MYZAP: variants seen among roughly 807,000 people sequenced by gnomAD.
MYZAP encodes the protein GRINL1A complex locus upstream.
MYZAP carries 66 observed loss-of-function variants against 69.4 expected under a neutral mutation model. The observed-to-expected ratio is 0.95, with a 90% confidence interval of 0.78 to 1.17. The LOEUF (loss-of-function observed/expected upper bound fraction) is 1.17, where lower values mean the gene tolerates loss of function less well. Among genes scored for constraint, MYZAP ranks in the 50% most tolerant of loss-of-function variants. The pLI, the probability that MYZAP is intolerant of heterozygous loss-of-function variation, is 0.00. For synonymous variants in MYZAP, 256 were observed against 205.9 expected (o/e 1.24, Z -2.09); for missense variants, 611 against 556.2 (o/e 1.10, Z -0.99).
rs925090242 is a variant in MYZAP at position 57,592,210 on chromosome 15, G to A, written c.75+101G>A. On this transcript the variant is annotated intron_variant, in intron 1 of 12. Coordinates refer to ENST00000267853, the MANE Select transcript of MYZAP (RefSeq NM_001018100.5). ...GGGAAAGCTCGGGAGCCAGCACCTG[G>A]CCCCGACGCCCCACCCTGGGCTCAA... 6 of 1,044,360 alleles carry A rather than the reference G, an allele frequency of 5.7e-6. No homozygotes were observed. The East Asian group carries it at 2.0e-4, about 35-fold the overall frequency. 64.7% of individuals were successfully genotyped at this position (1,044,360 alleles called of 1,614,324 possible).
rs150131539 is a variant in MYZAP at position 57,622,643 on chromosome 15, T to G, written c.411+943T>G. Among the ~76,000 whole-genome samples the G allele has an allele frequency of 8.0e-3, 1,221 of 152,250 alleles. 11 individuals carry two copies. Among genetic ancestry groups the G allele is most frequent in the South Asian group, 0.045 (217 of 4,822 alleles). On this transcript the variant is annotated intron_variant, in intron 4 of 12. Transcript: ENST00000267853. ...TCTCAAAAAAGGAAGGAAAATGGAC[T>G]AGTCAATATGTGCTATTGGGAAAAC...
chr15:57,616,567 C>T (rs771464340), intron 2 of MYZAP, among the ~76,000 whole-genome samples: 4 of 152,062 alleles, frequency 2.6e-5, no homozygotes, highest in African/African-American at 9.7e-5. Context: ...ACCCAGGAGG[C>T]GGAGGTTGCA....
At chr15:57,662,352 T>G (rs780464326) in intron 11 of MYZAP, among the ~76,000 whole-genome samples, 1 of 152,170 alleles carries the variant, frequency 6.6e-6, no homozygotes, top group Non-Finnish European at 1.5e-5. Flanking sequence ...CAGCAGACAA[T>G]GATAAAGTAA....
intron 11 of MYZAP, 130 bp from the exon 12 acceptor site, chr15:57,674,838 C>A: frequency 1.4e-6 from 1 of 717,832 alleles, no homozygotes; most frequent in Non-Finnish European, 2.3e-6. Flanking sequence ...GTAAGTGATG[C>A]TCTGTAAATA....
Position 57,609,800 on chromosome 15 carries a change from T to G in MYZAP, c.162+5445T>G, listed in dbSNP as rs1312711337. 2.0e-5 allele frequency among the ~76,000 whole-genome samples: 3 copies of G among 152,336 alleles called. No homozygotes were observed. In the South Asian group the frequency reaches 6.2e-4, roughly 32 times the overall value. ...AGAAATTGATAAATGTAGAATATAA[T>G]GTTTATAAACAGGCTGAACATTCAA... On this transcript the variant is annotated intron_variant, in intron 2 of 12. Transcript: ENST00000267853.
chr15:57,644,543 T>G (rs944308224), intron 10 of MYZAP, among the ~76,000 whole-genome samples: 2 of 152,172 alleles, frequency 1.3e-5, no homozygotes, highest in Non-Finnish European at 2.9e-5. Context: ...ACTCCTGGGC[T>G]CAAGTGATCC....
intron 3 of MYZAP, among the ~76,000 whole-genome samples, chr15:57,621,189 G>T (rs1373573897): frequency 6.9e-6 from 1 of 145,852 alleles, no homozygotes; most frequent in Admixed American, 6.9e-5. Flanking sequence ...TTTATGTGGG[G>T]TCCTTCTTTC....
intron 5 of MYZAP, 62 bp from the exon 6 acceptor site, chr15:57,629,640 G>A (rs763234773): frequency 3.6e-5 from 56 of 1,566,420 alleles, no homozygotes; most frequent in Non-Finnish European, 4.6e-5. Context: ...CCCAGCATGT[G>A]GTGCAGCCCA....
At chr15:57,680,106 C>T (rs1424648057) in intron 12 of MYZAP, among the ~76,000 whole-genome samples, 1 of 152,170 alleles carries the variant, frequency 6.6e-6, no homozygotes, top group Admixed American at 6.5e-5. Flanking sequence ...AAGTAACAGG[C>T]ATAGAATGTC....
At chr15:57,629,088 C>CAAAAAAAAAAAAAAAAAAAAAA (rs1274144448) in intron 5 of MYZAP, among the ~76,000 whole-genome samples, 1 of 115,082 alleles carries the variant, frequency 8.7e-6, no homozygotes, top group East Asian at 2.7e-4. Context: ...GTCTCAAAAA[C>CAAAAAAAAAAAAAAAAAAAAAA]AAAAAAAAAA....
chr15:57,633,731 G>C lies in MYZAP; in HGVS notation c.923G>C (p.Arg308Pro). 3 of 1,606,302 alleles carry C rather than the reference G, an allele frequency of 1.9e-6. No homozygotes were observed. Among genetic ancestry groups the C allele is most frequent in the Non-Finnish European group, 2.6e-6 (3 of 1,176,388 alleles). ...GGGGAGCTGGACAGGCTGATTGAGC[G>C]CATGGAAAAGGTAGGACACAGCGTT... is the stretch of plus-strand genomic sequence containing the variant. ...RIGELDRLIERMEKERHQLQL... is the reference protein window; with the variant it reads ...RIGELDRLIEPMEKERHQLQL... The change falls in exon 8 of 13, where the codon CGC (arginine) becomes CCC (proline). Residue 308 changes from arginine to proline, a missense_variant. Arg to Pro is a moderately radical substitution (Grantham distance 103). Coordinates refer to ENST00000267853, the MANE Select transcript of MYZAP (RefSeq NM_001018100.5).
chr15:57,601,274 T>TTGTGTGTGTG (rs10679285), intron 1 of MYZAP, among the ~76,000 whole-genome samples: 2,354 of 148,318 alleles, frequency 0.016, 41 homozygotes, highest in African/African-American at 0.041. Context: ...GTGTGCACAC[T>TTGTGTGTGTG]TGTGTGTGTG....
intron 10 of MYZAP, among the ~76,000 whole-genome samples, chr15:57,655,464 T>C (rs1048317711): frequency 6.6e-6 from 1 of 152,110 alleles, no homozygotes; most frequent in Non-Finnish European, 1.5e-5. Context: ...GAGAGTGAGA[T>C]AGTCTGCATT....
intron 8 of MYZAP, among the ~76,000 whole-genome samples, chr15:57,635,054 G>T (rs1469311518): frequency 6.6e-6 from 1 of 152,192 alleles, no homozygotes; most frequent in Non-Finnish European, 1.5e-5. Context: ...ATAGCAGGGT[G>T]GTCTGGGGGA....
Position 57,592,067 on chromosome 15 carries a change from C to A in MYZAP, c.33C>A (p.Leu11=). The part of the protein sequence containing the change: MLRSTSTVTL[L]SGGAARTPGA... ...GCTCCACGTCCACGGTCACCCTGCTCTCGGGCGGCGCCGCCAGGACGCCCG... is the reference window on the plus strand; with the variant it reads ...GCTCCACGTCCACGGTCACCCTGCTATCGGGCGGCGCCGCCAGGACGCCCG... The change falls in exon 1 of 13, where the codon CTC becomes CTA. Residue 11 remains leucine (L), a synonymous_variant. Transcript: ENST00000267853. 2 of 1,399,250 alleles carry A rather than the reference C, an allele frequency of 1.4e-6. No individual in the cohort carries two copies. The highest frequency in any genetic ancestry group is 1.9e-6 in the Non-Finnish European group (2 of 1,079,662). The allele number at this position is 1,399,250 out of a possible 1,614,324, so 86.7% of individuals were successfully genotyped here.
In MYZAP at chr15:57,655,881, T is replaced by A. The variant is rs148838353; in HGVS notation, c.1120-5569T>A. Among the ~76,000 whole-genome samples, 589 of 152,348 alleles carry A rather than the reference T, an allele frequency of 3.9e-3. 3 individuals are homozygous for A. The highest frequency in any genetic ancestry group is 0.013 in the African/African-American group (557 of 41,590). Reference sequence around the variant, plus strand: ...GAGGCCTACTGTTTTGTATTTAAATTTAGCTGTTGCAAGATTCTGTTCTTG... The same window carrying A: ...GAGGCCTACTGTTTTGTATTTAAATATAGCTGTTGCAAGATTCTGTTCTTG... On this transcript the variant is annotated intron_variant, in intron 10 of 12. Coordinates refer to ENST00000267853, the MANE Select transcript of MYZAP (RefSeq NM_001018100.5).
At chr15:57,676,559 C>T (rs2039145859) in intron 12 of MYZAP, among the ~76,000 whole-genome samples, 1 of 151,036 alleles carries the variant, frequency 6.6e-6, no homozygotes, top group Non-Finnish European at 1.5e-5. Context: ...TGTACAGAGA[C>T]CTTTTTGAAA....
At chr15:57,634,117 C>T (rs2036672289) in intron 8 of MYZAP, among the ~76,000 whole-genome samples, 1 of 152,088 alleles carries the variant, frequency 6.6e-6, no homozygotes, top group Non-Finnish European at 1.5e-5. Context: ...GTTGGCTTTT[C>T]CTTGACACGC....
intron 10 of MYZAP, among the ~76,000 whole-genome samples, chr15:57,639,974 T>C (rs1297888964): frequency 3.3e-5 from 5 of 152,138 alleles, no homozygotes; most frequent in African/African-American, 1.2e-4. Context: ...TTTCTGGGTG[T>C]GTCTTTCATT....
Sources: allele counts gnomAD v4.1 joint callset (sites outside exome capture counted in the v4.1 genomes callset), GRCh38; gene constraint gnomAD v4.1.1; transcripts MANE v1.5; gene names NCBI Gene and HGNC (gene_info 2026-07-23, HGNC 2026-07-21).